Variants in CLSTN2 observed in about 807,000 individuals in gnomAD.
CLSTN2 encodes calsyntenin-2.
In CLSTN2, 48 loss-of-function variants were observed where a neutral mutation model predicts 101.2. That is an observed-to-expected ratio of 0.47 (90% CI 0.38 to 0.60). CLSTN2 has a LOEUF of 0.60. CLSTN2 is among the 20% of genes least tolerant of loss of function. The pLI, the probability that CLSTN2 is intolerant of heterozygous loss-of-function variation, is 0.00. For synonymous variants in CLSTN2, 481 were observed against 463.6 expected (o/e 1.04, Z -0.48); for missense variants, 1,160 against 1,238.2 (o/e 0.94, Z 0.95).
chr3:140,391,374 G>T (rs1286464548), intron 2 of CLSTN2, among the ~76,000 whole-genome samples: 1 of 134,122 alleles, frequency 7.5e-6, no homozygotes, highest in Non-Finnish European at 1.6e-5. Flanking sequence ...TGCGTGGGGG[G>T]GTGGGCGGGA....
chr3:140,484,369 C>T (rs1482367927), intron 8 of CLSTN2, among the ~76,000 whole-genome samples: 20 of 152,214 alleles, frequency 1.3e-4, no homozygotes, highest in Middle Eastern at 3.4e-3. Context: ...GTGGGTAACC[C>T]GACCTTTCTC....
chr3:140,268,135 A>G (rs1559824094), intron 2 of CLSTN2, among the ~76,000 whole-genome samples: 1 of 152,140 alleles, frequency 6.6e-6, no homozygotes, highest in Admixed American at 6.5e-5. Flanking sequence ...CACATAGCCT[A>G]CTGCCTAGTA....
At chr3:140,349,176 G>A (rs1055419514) in intron 2 of CLSTN2, among the ~76,000 whole-genome samples, 2 of 152,190 alleles carry the variant, frequency 1.3e-5, no homozygotes, top group African/African-American at 2.4e-5. Flanking sequence ...AGAAGGATGT[G>A]TTTACTTTCA....
intron 1 of CLSTN2, among the ~76,000 whole-genome samples, chr3:140,038,589 T>C (rs1051613100): frequency 2.6e-5 from 4 of 152,298 alleles, no homozygotes; most frequent in Admixed American, 6.5e-5. Context: ...GCAATTGCTT[T>C]TGGCGTTTTT....
chr3:140,108,353 A>G (rs1207559518), intron 1 of CLSTN2, among the ~76,000 whole-genome samples: 1 of 152,188 alleles, frequency 6.6e-6, no homozygotes, highest in African/African-American at 2.4e-5. Flanking sequence ...TCTCCATTAC[A>G]CTTGTCCAAG....
At chr3:140,471,610 C>A in intron 8 of CLSTN2, among the ~76,000 whole-genome samples, 1 of 152,170 alleles carries the variant, frequency 6.6e-6, no homozygotes, top group East Asian at 1.9e-4. Flanking sequence ...AGTTTATACC[C>A]AGTTTACATA....
At chr3:140,050,051 A>G (rs1451772619) in intron 1 of CLSTN2, among the ~76,000 whole-genome samples, 1 of 152,220 alleles carries the variant, frequency 6.6e-6, no homozygotes, top group Non-Finnish European at 1.5e-5. Context: ...TCTGTGTAAC[A>G]GCAGTCCCTA....
chr3:139,963,135 C>G (rs1009327124), intron 1 of CLSTN2, among the ~76,000 whole-genome samples: 1 of 152,012 alleles, frequency 6.6e-6, no homozygotes, highest in Non-Finnish European at 1.5e-5. Flanking sequence ...TTGCCATACT[C>G]TTCTAGGAAC....
intron 1 of CLSTN2, among the ~76,000 whole-genome samples, chr3:140,123,080 A>T (rs2009370122): frequency 6.8e-6 from 1 of 146,050 alleles, no homozygotes; most frequent in Non-Finnish European, 1.5e-5. Context: ...GTGAAGTCCA[A>T]GATGAAGGTG....
chr3:140,399,649 C>T (rs865813845), intron 2 of CLSTN2, among the ~76,000 whole-genome samples: 6 of 151,984 alleles, frequency 3.9e-5, no homozygotes, highest in Non-Finnish European at 7.4e-5. Flanking sequence ...TAATTCTTAC[C>T]ACAACAGTAT....
intron 5 of CLSTN2, among the ~76,000 whole-genome samples, chr3:140,442,249 A>G (rs955241478): frequency 6.6e-6 from 1 of 151,186 alleles, no homozygotes; most frequent in Non-Finnish European, 1.5e-5. Context: ...AACCCTACAC[A>G]CCCCTTTTTG....
intron 2 of CLSTN2, among the ~76,000 whole-genome samples, chr3:140,221,831 G>C (rs377449933): frequency 9.2e-5 from 14 of 152,204 alleles, no homozygotes; most frequent in African/African-American, 3.4e-4. Flanking sequence ...AGCCAAGCAA[G>C]GATGTGGAGA....
intron 1 of CLSTN2, among the ~76,000 whole-genome samples, chr3:140,110,606 A>T (rs1278465344): frequency 2.0e-5 from 3 of 152,206 alleles, no homozygotes; most frequent in African/African-American, 7.2e-5. Flanking sequence ...CCCTTGGAGG[A>T]TAGATATATT....
intron 2 of CLSTN2, among the ~76,000 whole-genome samples, chr3:140,376,133 C>G (rs2087914761): frequency 6.6e-6 from 1 of 152,212 alleles, no homozygotes; most frequent in Non-Finnish European, 1.5e-5. Flanking sequence ...TCCAAGCCAA[C>G]CTAACCACTG....
intron 2 of CLSTN2, among the ~76,000 whole-genome samples, chr3:140,246,752 G>A (rs963930040): frequency 1.3e-5 from 2 of 152,144 alleles, no homozygotes; most frequent in Non-Finnish European, 2.9e-5. Context: ...TAGGAAGGCA[G>A]GGGGTGTGTC....
intron 2 of CLSTN2, among the ~76,000 whole-genome samples, chr3:140,302,402 G>A (rs1304399985): frequency 6.6e-6 from 1 of 152,148 alleles, no homozygotes; most frequent in Non-Finnish European, 1.5e-5. Flanking sequence ...GTGAATAACT[G>A]TGTTCATTTG....
chr3:140,447,863 T>A (rs1933123507), intron 5 of CLSTN2, among the ~76,000 whole-genome samples: 1 of 152,200 alleles, frequency 6.6e-6, no homozygotes, highest in Admixed American at 6.5e-5. Flanking sequence ...CTACAATAAG[T>A]ATGGCACCTT....
intron 8 of CLSTN2, among the ~76,000 whole-genome samples, chr3:140,482,289 G>A (rs1934134448): frequency 6.6e-6 from 1 of 152,138 alleles, no homozygotes; most frequent in Non-Finnish European, 1.5e-5. Context: ...TGCATCCCAG[G>A]GATGAAGCCA....
intron 8 of CLSTN2, among the ~76,000 whole-genome samples, chr3:140,494,927 T>A (rs983892659): frequency 1.3e-5 from 2 of 152,230 alleles, no homozygotes; most frequent in Non-Finnish European, 2.9e-5. Context: ...TGAACATATA[T>A]GTGCATATAT....
Sources: gnomAD v4.1 joint callset for allele counts (sites outside exome capture counted in the v4.1 genomes callset) on GRCh38, gnomAD v4.1.1 for gene constraint, MANE v1.5 for transcripts, NCBI Gene and HGNC (gene_info 2026-07-23, HGNC 2026-07-21) for gene names.